PPP1R14C: variants seen among roughly 807,000 people sequenced by gnomAD.
PPP1R14C encodes the protein protein phosphatase 1 regulatory subunit 14C.
PPP1R14C carries 16 observed loss-of-function variants against 20.4 expected under a neutral mutation model. The ratio of observed to expected loss-of-function variants is 0.78; its 90% CI spans 0.53 to 1.19. The LOEUF (loss-of-function observed/expected upper bound fraction) is 1.19. Ranked by LOEUF, PPP1R14C falls within the 50% of genes most tolerant of loss-of-function variation. The probability of loss-of-function intolerance (pLI) is 0.00; values close to 1 mark genes in which losing one functional copy is unlikely to be tolerated. For synonymous variants in PPP1R14C, 91 were observed against 91.0 expected (o/e 1.00, Z 0.00); for missense variants, 211 against 220.1 (o/e 0.96, Z 0.26).
In PPP1R14C at chr6:150,185,019, A is replaced by G. The variant is rs1388943334; in HGVS notation, c.307-29725A>G. Reference sequence around the variant, plus strand: ...GCAGCCAGGACCTTCTCACCTAAACATACCATCTGTTGTTGGCTCCTGGCT... The same window carrying G: ...GCAGCCAGGACCTTCTCACCTAAACGTACCATCTGTTGTTGGCTCCTGGCT... On this transcript the variant is annotated intron_variant, in intron 1 of 3. Transcript: ENST00000361131. The surrounding 1 kb of genome is among the most constrained non-coding windows in gnomAD (Gnocchi z 4.1). Among the ~76,000 whole-genome samples, 2 of 152,144 alleles carry G rather than the reference A, an allele frequency of 1.3e-5. No homozygotes were observed. The highest frequency in any genetic ancestry group is 1.9e-4 in the East Asian group (1 of 5,192).
chr6:150,199,274 A>T (rs1400952431), intron 1 of PPP1R14C, among the ~76,000 whole-genome samples: 1 of 152,210 alleles, frequency 6.6e-6, no homozygotes, highest in Non-Finnish European at 1.5e-5. Context: ...AGGCACGGCT[A>T]TCATTCGAAT....
chr6:150,175,137 T>TTATG (rs1008171178), intron 1 of PPP1R14C, among the ~76,000 whole-genome samples: 33 of 152,326 alleles, frequency 2.2e-4, no homozygotes, highest in African/African-American at 7.7e-4. Context: ...ATAGTGCTTA[T>TTATG]TATGTGCTGG....
chr6:150,210,941 C>G (rs879661002), intron 1 of PPP1R14C, among the ~76,000 whole-genome samples: 3 of 152,156 alleles, frequency 2.0e-5, no homozygotes, highest in Non-Finnish European at 2.9e-5. Flanking sequence ...GCTTCCTGGC[C>G]AAGGACCTTT....
At chr6:150,171,249 T>C (rs1777495944) in intron 1 of PPP1R14C, among the ~76,000 whole-genome samples, 1 of 152,230 alleles carries the variant, frequency 6.6e-6, no homozygotes, top group African/African-American at 2.4e-5. Flanking sequence ...GTTATTGTGT[T>C]TGACAGCTGG....
intron 1 of PPP1R14C, among the ~76,000 whole-genome samples, chr6:150,205,148 C>G (rs1308285021): frequency 6.6e-6 from 1 of 152,054 alleles, no homozygotes; most frequent in Non-Finnish European, 1.5e-5. Context: ...GGCAACTTCC[C>G]TGGTGGGTGG....
At chr6:150,225,393 G>A (rs1486770971) in intron 3 of PPP1R14C, among the ~76,000 whole-genome samples, 1 of 152,148 alleles carries the variant, frequency 6.6e-6, no homozygotes, top group Non-Finnish European at 1.5e-5. Flanking sequence ...CTAGCAATTT[G>A]TCAATTCCAG....
intron 1 of PPP1R14C, chr6:150,194,464 T>C (rs1376879624): frequency 1.0e-6 from 1 of 983,022 alleles, no homozygotes; most frequent in East Asian, 1.1e-4. Flanking sequence ...GCATGTGTAA[T>C]TTAGTGAAGA....
intron 1 of PPP1R14C, among the ~76,000 whole-genome samples, chr6:150,149,795 T>G (rs1442472398): frequency 6.6e-6 from 1 of 152,188 alleles, no homozygotes; most frequent in Non-Finnish European, 1.5e-5. Flanking sequence ...GGTATTCACA[T>G]CTATTTGGTG....
At chr6:150,156,728 A>G (rs893202560) in intron 1 of PPP1R14C, among the ~76,000 whole-genome samples, 12 of 152,230 alleles carry the variant, frequency 7.9e-5, no homozygotes, top group Non-Finnish European at 1.3e-4. Context: ...TATGCTTGCT[A>G]TAATGAAAGC....
intron 1 of PPP1R14C, among the ~76,000 whole-genome samples, chr6:150,155,836 A>G (rs1777299269): frequency 6.6e-6 from 1 of 151,642 alleles, no homozygotes; most frequent in East Asian, 1.9e-4. Context: ...ACCAGCCTGA[A>G]CAACATGGTA....
chr6:150,171,083 G>GT (rs1174313595), intron 1 of PPP1R14C, among the ~76,000 whole-genome samples: 2 of 152,002 alleles, frequency 1.3e-5, no homozygotes, highest in African/African-American at 4.8e-5. Context: ...CACAATCGAT[G>GT]AACCTACGTT....
chr6:150,161,140 C>T (rs1243215265), intron 1 of PPP1R14C, among the ~76,000 whole-genome samples: 2 of 151,840 alleles, frequency 1.3e-5, no homozygotes, highest in Non-Finnish European at 2.9e-5. Context: ...ATTAGCCAGA[C>T]GTGGTGGCAT....
At chr6:150,161,290 G>A (rs971234439) in intron 1 of PPP1R14C, among the ~76,000 whole-genome samples, 12 of 150,560 alleles carry the variant, frequency 8.0e-5, no homozygotes, top group Non-Finnish European at 1.0e-4. Flanking sequence ...AAAAAAAGAC[G>A]AAGAAAAAAG....
chr6:150,224,996 C>A (rs982209750), intron 3 of PPP1R14C, among the ~76,000 whole-genome samples: 2 of 151,722 alleles, frequency 1.3e-5, no homozygotes, highest in African/African-American at 4.8e-5. Flanking sequence ...CTCGGTCGCC[C>A]CCATGCCCCT....
intron 1 of PPP1R14C, among the ~76,000 whole-genome samples, chr6:150,212,848 C>A (rs1231531373): frequency 2.6e-5 from 4 of 152,126 alleles, no homozygotes. Flanking sequence ...AGCCTAGGAG[C>A]AATATAGGCT....
intron 3 of PPP1R14C, among the ~76,000 whole-genome samples, chr6:150,224,823 T>G (rs1778212629): frequency 6.6e-6 from 1 of 152,214 alleles, no homozygotes; most frequent in South Asian, 2.1e-4. Flanking sequence ...AATTTTTTTT[T>G]GATATCTGAA....
intron 3 of PPP1R14C, among the ~76,000 whole-genome samples, chr6:150,218,643 T>C (rs1292148572): frequency 6.6e-6 from 1 of 151,954 alleles, no homozygotes. Flanking sequence ...TGCTATTTGC[T>C]CTTTTCTTTC....
At chr6:150,205,525 A>G (rs1777937233) in intron 1 of PPP1R14C, among the ~76,000 whole-genome samples, 1 of 152,152 alleles carries the variant, frequency 6.6e-6, no homozygotes, top group Non-Finnish European at 1.5e-5. Context: ...GTTCGTTTGT[A>G]AGAACAAAAT....
intron 3 of PPP1R14C, among the ~76,000 whole-genome samples, chr6:150,219,318 C>T (rs1431427640): frequency 6.6e-6 from 1 of 151,886 alleles, no homozygotes; most frequent in Non-Finnish European, 1.5e-5. Flanking sequence ...AACCTCTGCC[C>T]CCCAGGTTCA....
Sources: allele counts gnomAD v4.1 joint callset (sites outside exome capture counted in the v4.1 genomes callset), GRCh38; gene constraint gnomAD v4.1.1; non-coding constraint Gnocchi (gnomAD v3.1); transcripts MANE v1.5; gene names NCBI Gene and HGNC (gene_info 2026-07-23, HGNC 2026-07-21).